The following MYH11 variants were observed in gnomAD, a reference collection of about 807,000 sequenced individuals.
MYH11 encodes myosin heavy chain 11, also known as myosin-11.
MYH11 carries 80 observed loss-of-function variants against 246.6 expected under a neutral mutation model. The observed-to-expected ratio is 0.32, with a 90% CI of 0.27 to 0.39. The LOEUF (loss-of-function observed/expected upper bound fraction) is 0.39, where lower values mean the gene tolerates loss of function less well. Among genes scored for constraint, MYH11 ranks in the 10% least tolerant of loss-of-function variants. The pLI is 1.00. For synonymous variants in MYH11, 1,071 were observed against 1,015.5 expected (o/e 1.05, Z -1.04); for missense variants, 2,158 against 2,546.8 (o/e 0.85, Z 3.29).
rs111268929 is a variant in MYH11, at chr16:15,756,135, G to A, written c.1749+206C>T. ...AAAGAAATAACTGTCTGGACGTCAC[G>A]GTTGGAAAACATGAGAGTGGCTACA... On this transcript the variant is annotated intron_variant, in intron 14 of 40. Transcript: ENST00000300036. Among the ~76,000 whole-genome samples, 1,193 of 152,294 alleles carry A rather than the reference G, an allele frequency of 7.8e-3. 24 individuals are homozygous for A. The highest frequency in any genetic ancestry group is 0.027 in the African/African-American group (1,119 of 41,564).
At chr16:15,778,882 A>G (rs1451352074) in intron 6 of MYH11, 39 bp from the exon 7 acceptor site, 1 of 1,603,624 alleles carries the variant, frequency 6.2e-7, no homozygotes, top group Non-Finnish European at 8.5e-7. Flanking sequence ...TTGCTGCCCA[A>G]CTTCAGCCGT....
In MYH11 at chr16:15,838,036, T is replaced by G. The variant is rs147447269; in HGVS notation, c.217A>C (p.Lys73Gln). The G allele has an allele frequency of 1.9e-4, 299 of 1,613,908 alleles. 1 individual carries two copies. Among genetic ancestry groups the G allele is most frequent in the Middle Eastern group, 3.3e-4 (2 of 6,084 alleles). ...VENGKKVTVG[K>Q]DDIQKMNPPK... Reference sequence around the variant, plus strand: ...GGGTTCATCTTCTGGATGTCATCTTTCCCAACCGTGACCTTCTTGCCATTC... The same window carrying G: ...GGGTTCATCTTCTGGATGTCATCTTGCCCAACCGTGACCTTCTTGCCATTC... The change falls in exon 2 of 41, where the codon AAA becomes CAA. Residue 73 changes from lysine to glutamine, a missense_variant. Lys to Gln is a moderately conservative substitution (Grantham distance 53). Coordinates refer to ENST00000300036, the MANE Select transcript of MYH11 (RefSeq NM_002474.3).
intron 3 of MYH11, among the ~76,000 whole-genome samples, chr16:15,815,571 T>C (rs550182652): frequency 6.6e-6 from 1 of 152,108 alleles, no homozygotes; most frequent in African/African-American, 2.4e-5. Flanking sequence ...ATAAAAAGAC[T>C]TCTAAGAAAA....
intron 31 of MYH11, among the ~76,000 whole-genome samples, chr16:15,721,938 A>G (rs2040509075): frequency 6.6e-6 from 1 of 151,816 alleles, no homozygotes; most frequent in Non-Finnish European, 1.5e-5. Context: ...GTTCACTGCA[A>G]CCTCCGCCTC....
At chr16:15,771,792 C>A in intron 8 of MYH11, 80 bp from the exon 9 acceptor site, 1 of 1,556,878 alleles carries the variant, frequency 6.4e-7, no homozygotes, top group South Asian at 1.1e-5. Context: ...GGTCAAGGGT[C>A]TGGGCCATCA....
chr16:15,768,136 T>G (rs2042024433), intron 9 of MYH11, among the ~76,000 whole-genome samples: 1 of 152,064 alleles, frequency 6.6e-6, no homozygotes, highest in Non-Finnish European at 1.5e-5. Flanking sequence ...AATAAATTCC[T>G]GTTGTTTTAA....
At chr16:15,813,541 G>T (rs1049378532) in intron 3 of MYH11, among the ~76,000 whole-genome samples, 1 of 152,094 alleles carries the variant, frequency 6.6e-6, no homozygotes, top group African/African-American at 2.4e-5. Flanking sequence ...AGCTTTATAG[G>T]AAGCATATAA....
chr16:15,813,012 CA>C (rs1259819309), intron 3 of MYH11, among the ~76,000 whole-genome samples: 3 of 152,146 alleles, frequency 2.0e-5, no homozygotes, highest in Non-Finnish European at 2.9e-5. Flanking sequence ...ACTAAAAGTA[CA>C]AAAATTAGCT....
intron 26 of MYH11, among the ~76,000 whole-genome samples, chr16:15,734,463 G>A (rs2041058269): frequency 6.6e-6 from 1 of 152,014 alleles, no homozygotes; most frequent in African/African-American, 2.4e-5. Flanking sequence ...CCACGCCCAG[G>A]TAATTTTTGG....
chr16:15,828,620 C>T (rs1350260119), intron 2 of MYH11, among the ~76,000 whole-genome samples: 1 of 151,742 alleles, frequency 6.6e-6, no homozygotes, highest in Non-Finnish European at 1.5e-5. Flanking sequence ...TGGCAAAACC[C>T]CGTCTCTACT....
rs138026042 is a variant in MYH11 at position 15,805,355 on chromosome 16, TATC to T, written c.503-6671_503-6669del. On this transcript the variant is annotated intron_variant, in intron 3 of 40. Coordinates refer to ENST00000300036, the MANE Select transcript of MYH11 (RefSeq NM_002474.3). ...CACAGGTTCTCTCCATTTTAGTAAT[TATC>T]ATCATTGTGATCCTTACTTAATAAA... is the stretch of plus-strand genomic sequence containing the variant. Among the ~76,000 whole-genome samples the T allele has an allele frequency of 8.6e-3, 1,308 of 152,346 alleles. 27 individuals are homozygous for T. The highest frequency in any genetic ancestry group is 0.03 in the African/African-American group (1,244 of 41,572).
intron 6 of MYH11, among the ~76,000 whole-genome samples, chr16:15,781,104 C>G (rs1420818083): frequency 6.6e-6 from 1 of 152,108 alleles, no homozygotes; most frequent in African/African-American, 2.4e-5. Context: ...TGGGGTTTCC[C>G]CATGTTGCCC....
rs376262084 is a variant in MYH11 at position 15,817,849 on chromosome 16, T to TTC, written c.502+5404_502+5405dup. Reference sequence around the variant, plus strand: ...TGGCTAGAAAGCCATCCCTGCCCCCTTCTCTCACCTTAGCAAACCATTCTT... The same window carrying TTC: ...TGGCTAGAAAGCCATCCCTGCCCCCTTCTCTCTCACCTTAGCAAACCATTCTT... On this transcript the variant is annotated intron_variant, in intron 3 of 40. Transcript: ENST00000300036. Among the ~76,000 whole-genome samples the TTC allele has an allele frequency of 9.0e-4, 137 of 152,276 alleles. No homozygotes were observed. The Middle Eastern group carries it at 0.014, about 15-fold the overall frequency.
In MYH11 at chr16:15,838,225, C is replaced by G. The variant is rs2043958315; in HGVS notation, c.28G>C (p.Asp10His). The G allele has an allele frequency of 6.2e-7, 1 of 1,613,992 alleles. No homozygotes were observed. The change falls in exon 2 of 41, where the codon GAT becomes CAT. Residue 10 changes from aspartate (D) to histidine (H), a missense_variant. Asp to His is a moderately conservative substitution (Grantham distance 81). Around this residue, in one of 11 missense-constraint regions of MYH11, gnomAD observed 96 missense variants for 91.9 expected, o/e 1.04. Transcript: ENST00000300036. Reference protein sequence around the residue: MAQKGQLSDDEKFLFVDKNF... With the variant: MAQKGQLSDHEKFLFVDKNF... ...TTGTCCACAAAGAGGAACTTCTCATCGTCACTGAGTTGGCCCTTCTGCGCC... is the reference window on the plus strand; with the variant it reads ...TTGTCCACAAAGAGGAACTTCTCATGGTCACTGAGTTGGCCCTTCTGCGCC...
rs1382985978 is a variant in MYH11 at position 15,763,808 on chromosome 16, G to A, written c.1117C>T (p.Pro373Ser). The A allele has an allele frequency of 6.7e-7, 1 of 1,498,002 alleles. No homozygotes were observed. Among genetic ancestry groups the A allele is most frequent in the South Asian group, 1.1e-5 (1 of 89,608 alleles). 92.8% of individuals were successfully genotyped at this position (1,498,002 alleles called of 1,614,324 possible). A position where few individuals can be genotyped will look rare whatever the true frequency, so the allele number is the denominator to read the frequency against. The change falls in exon 10 of 41, where the codon CCA (proline) becomes TCA (serine). Residue 373 changes from proline to serine, a missense_variant. Transcript: ENST00000300036. ...KERNTDQASM[P>S]DNTAAQKVCH... is the part of the protein sequence containing the mutation. ...AAGTGGCAAGTACCTGTGTTATCTG[G>A]CATGGACGCCTGGTCTGTGTTTCTT...
chr16:15,820,340 G>A (rs1280794818), intron 3 of MYH11, among the ~76,000 whole-genome samples: 1 of 152,088 alleles, frequency 6.6e-6, no homozygotes, highest in Non-Finnish European at 1.5e-5. Context: ...CGGGTGTGGT[G>A]GCACATGCCT....
intron 36 of MYH11, 93 bp downstream of exon 36, chr16:15,719,127 C>T (rs2040328203): frequency 7.6e-6 from 10 of 1,312,548 alleles, no homozygotes; most frequent in Middle Eastern, 1.8e-4. Flanking sequence ...AACTCTGTCT[C>T]GAAAAAATTT....
chr16:15,750,274 C>T lies in MYH11; in HGVS notation c.1922G>A (p.Ser641Asn), dbSNP rs2041531591. The change falls in exon 16 of 41, where the codon AGC becomes AAC. Residue 641 changes from serine (S) to asparagine (N), a missense_variant. Coordinates refer to ENST00000300036, the MANE Select transcript of MYH11 (RefSeq NM_002474.3). The surrounding 1 kb of genome is among the most constrained non-coding windows in gnomAD (Gnocchi z 4.3). ...MAKMTESSLP[S>N]ASKTKKGMFR... The stretch of plus-strand genomic sequence containing the variant: ...CATGCCCTTCTTGGTCTTGGAGGCG[C>T]TGGGCAGCGAGCTCTCCGTCATCTT... 2 of 1,614,054 alleles carry T rather than the reference C, an allele frequency of 1.2e-6. No individual in the cohort carries two copies. Among genetic ancestry groups the T allele is most frequent in the Non-Finnish European group, 1.7e-6 (2 of 1,179,994 alleles).
intron 7 of MYH11, 137 bp downstream of exon 7, chr16:15,778,643 G>A (rs1477358241): frequency 1.1e-6 from 1 of 906,262 alleles, no homozygotes; most frequent in Admixed American, 1.9e-5. Flanking sequence ...AATGCCTGCT[G>A]TTAAGGGGAG....
Sources: allele counts gnomAD v4.1 joint callset (sites outside exome capture counted in the v4.1 genomes callset), GRCh38; gene constraint gnomAD v4.1.1; regional missense constraint gnomAD v4.1.1; non-coding constraint Gnocchi (gnomAD v3.1); transcripts MANE v1.5; gene names NCBI Gene and HGNC (gene_info 2026-07-23, HGNC 2026-07-21).